The following GALNT13 variants were observed in gnomAD, a reference collection of about 807,000 sequenced individuals.
GALNT13 encodes UDP-GalNAc:polypeptide N-acetylgalactosaminyltransferase 13.
Under a neutral mutation model 64.2 loss-of-function variants are expected in GALNT13, and 28 were observed. That is an observed-to-expected ratio of 0.44 (90% CI 0.32 to 0.60). GALNT13 has a LOEUF of 0.60. Ranked by LOEUF, GALNT13 falls within the 20% of genes least tolerant of loss-of-function variation. The probability of loss-of-function intolerance (pLI) is 0.05; values close to 1 mark genes in which losing one functional copy is unlikely to be tolerated. For synonymous variants in GALNT13, 214 were observed against 224.6 expected, an observed-to-expected ratio of 0.95 and a Z score of 0.42; for missense variants, 577 against 669.8, an observed-to-expected ratio of 0.86 and a Z score of 1.53.
chr2:154,287,099 C>T (rs1035364674), intron 8 of GALNT13: 77 of 1,033,580 alleles, frequency 7.4e-5, no homozygotes, highest in Non-Finnish European at 1.1e-4. Context: ...CAAGCAGCCA[C>T]CTTTGGATGG....
the GALNT13 span, among the ~76,000 whole-genome samples, chr2:153,556,121 T>C: frequency 3.3e-5 from 5 of 152,346 alleles, no homozygotes; most frequent in African/African-American, 1.2e-4. Context: ...TTTTCTTTTT[T>C]CATAGATGGT....
the GALNT13 span, among the ~76,000 whole-genome samples, chr2:153,639,400 T>C: frequency 6.6e-6 from 1 of 151,952 alleles, no homozygotes; most frequent in African/African-American, 2.4e-5. Flanking sequence ...TAATTATGAG[T>C]GAGGCAAAAT....
intron 2 of GALNT13, among the ~76,000 whole-genome samples, chr2:153,921,891 TGG>T (rs1689783974): frequency 6.6e-6 from 1 of 151,692 alleles, no homozygotes; most frequent in Non-Finnish European, 1.5e-5. Context: ...AGACTATGGA[TGG>T]CAAATAAGAT....
chr2:154,079,501 A>G (rs1294899537), intron 3 of GALNT13, among the ~76,000 whole-genome samples: 1 of 151,644 alleles, frequency 6.6e-6, no homozygotes, highest in Non-Finnish European at 1.5e-5. Flanking sequence ...CAGGAAACAA[A>G]GGAAAGTACT....
At chr2:154,110,425 A>G (rs1322161047) in intron 3 of GALNT13, among the ~76,000 whole-genome samples, 1 of 139,482 alleles carries the variant, frequency 7.2e-6, no homozygotes. Flanking sequence ...GAGTTTCTTA[A>G]GTATTAACTC....
the GALNT13 span, among the ~76,000 whole-genome samples, chr2:153,137,969 C>T: frequency 6.6e-6 from 1 of 152,054 alleles, no homozygotes; most frequent in South Asian, 2.1e-4. Context: ...ACTCCTTATT[C>T]TCTGTGGTGC....
At chr2:153,408,687 C>A in the GALNT13 span, among the ~76,000 whole-genome samples, 15 of 149,996 alleles carry the variant, frequency 1.0e-4, no homozygotes, top group Non-Finnish European at 2.2e-4. Context: ...TAAGGATGGG[C>A]CTTTTGCAAA....
chr2:154,062,989 G>C (rs188596386), intron 3 of GALNT13, among the ~76,000 whole-genome samples: 3 of 151,968 alleles, frequency 2.0e-5, no homozygotes, highest in Non-Finnish European at 2.9e-5. Flanking sequence ...TAGTGAACAG[G>C]ATTCCTAATT....
intron 3 of GALNT13, among the ~76,000 whole-genome samples, chr2:154,009,205 T>TTATAGGTG (rs1696463347): frequency 6.7e-6 from 1 of 149,324 alleles, no homozygotes; most frequent in South Asian, 2.1e-4. Flanking sequence ...GAAGAGATGG[T>TTATAGGTG]TATAGGTGTG....
chr2:153,466,450 G>GTT, the GALNT13 span, among the ~76,000 whole-genome samples: 91 of 148,330 alleles, frequency 6.1e-4, 1 homozygote, highest in South Asian at 2.1e-3. Context: ...CTTTCTAGTT[G>GTT]TTTTTTTTTT....
the GALNT13 span, among the ~76,000 whole-genome samples, chr2:153,677,660 A>G: frequency 1.3e-5 from 2 of 152,118 alleles, no homozygotes; most frequent in South Asian, 2.1e-4. Flanking sequence ...TTCAAACTAT[A>G]CTACAAGGCT....
intron 8 of GALNT13, among the ~76,000 whole-genome samples, chr2:154,268,522 T>C (rs1230395316): frequency 1.3e-5 from 2 of 152,126 alleles, no homozygotes; most frequent in African/African-American, 4.8e-5. Flanking sequence ...AAGTTTCACC[T>C]ATGACAAAAC....
chr2:153,076,505 A>G, the GALNT13 span, among the ~76,000 whole-genome samples: 4 of 152,178 alleles, frequency 2.6e-5, no homozygotes, highest in Non-Finnish European at 5.9e-5. Flanking sequence ...TTTATGTCAT[A>G]GGGAATTTTT....
At chr2:153,241,662 T>TGC in the GALNT13 span, among the ~76,000 whole-genome samples, 2 of 150,428 alleles carry the variant, frequency 1.3e-5, no homozygotes, top group African/African-American at 4.9e-5. Context: ...TGTGTATGTG[T>TGC]ATGTGTGTGT....
chr2:153,618,546 A>G, the GALNT13 span, among the ~76,000 whole-genome samples: 1 of 151,938 alleles, frequency 6.6e-6, no homozygotes, highest in Non-Finnish European at 1.5e-5. Context: ...CACTGAATCT[A>G]TAGTGAAGAT....
At chr2:154,372,779 C>A (rs2105314325) in intron 9 of GALNT13, among the ~76,000 whole-genome samples, 1 of 151,592 alleles carries the variant, frequency 6.6e-6, no homozygotes, top group East Asian at 1.9e-4. Context: ...TCTTCCCTTT[C>A]AGCATATTTG....
the GALNT13 span, among the ~76,000 whole-genome samples, chr2:153,168,327 T>C: frequency 7.2e-5 from 11 of 152,362 alleles, no homozygotes; most frequent in East Asian, 1.9e-3. Flanking sequence ...TGACTTACCG[T>C]CACCTGAATC....
intron 2 of GALNT13, among the ~76,000 whole-genome samples, chr2:153,927,717 T>C (rs1690245804): frequency 6.6e-6 from 1 of 152,102 alleles, no homozygotes; most frequent in African/African-American, 2.4e-5. Flanking sequence ...TCTAATTGCC[T>C]GTCTTTTAAG....
the GALNT13 span, among the ~76,000 whole-genome samples, chr2:153,838,581 A>G: frequency 3.3e-5 from 5 of 151,520 alleles, no homozygotes; most frequent in Non-Finnish European, 7.4e-5. Context: ...ATGAGTTTTT[A>G]TTTTCCTTTA....
Sources: allele counts gnomAD v4.1 joint callset (sites outside exome capture counted in the v4.1 genomes callset), GRCh38; gene constraint gnomAD v4.1.1; transcripts MANE v1.5; gene names NCBI Gene and HGNC (gene_info 2026-07-23, HGNC 2026-07-21).